EMSY: variants seen among roughly 807,000 people sequenced by gnomAD.
EMSY encodes BRCA2-interacting transcriptional repressor EMSY.
A neutral mutation model predicts 134.6 loss-of-function variants in EMSY; 26 were observed. That is an observed-to-expected ratio of 0.19 (90% confidence interval 0.14 to 0.27). The LOEUF is 0.27. Among genes scored for constraint, EMSY ranks in the 10% least tolerant of loss-of-function variants. The pLI is 1.00. For missense variants in EMSY, 1,305 were observed against 1,611.4 expected, an observed-to-expected ratio of 0.81 and a Z score of 3.26; for synonymous variants, 579 against 577.8, an observed-to-expected ratio of 1.00 and a Z score of -0.03.
chr11:76,470,941 A>C (rs994788630), intron 7 of EMSY, among the ~76,000 whole-genome samples: 2 of 152,108 alleles, frequency 1.3e-5, no homozygotes, highest in East Asian at 3.9e-4. Context: ...TCACTAAATC[A>C]TCTACAGTTT....
At chr11:76,446,322 T>TCA (rs71036097) in intron 1 of EMSY, among the ~76,000 whole-genome samples, 3 of 106,132 alleles carry the variant, frequency 2.8e-5, no homozygotes, top group Non-Finnish European at 5.5e-5. Context: ...TGTGTGTGTG[T>TCA]GTATATATAT....
intron 4 of EMSY, among the ~76,000 whole-genome samples, chr11:76,456,043 A>G (rs1947859848): frequency 6.6e-6 from 1 of 152,132 alleles, no homozygotes; most frequent in African/African-American, 2.4e-5. Flanking sequence ...GATTTCTCAG[A>G]AAAGGGACTG....
chr11:76,495,647 AT>A (rs1949623020), intron 8 of EMSY, among the ~76,000 whole-genome samples: 1 of 152,144 alleles, frequency 6.6e-6, no homozygotes, highest in South Asian at 2.1e-4. Context: ...TTATTTAATG[AT>A]TCAGAGTTCT....
chr11:76,505,639 C>T (rs3016373), intron 9 of EMSY, among the ~76,000 whole-genome samples: 60,520 of 150,874 alleles, frequency 0.4, 12,485 homozygotes, highest in South Asian at 0.51. Flanking sequence ...GGGTGGATCA[C>T]GAGGTCAAGA....
chr11:76,494,700 TTCC>T (rs1949569341), intron 8 of EMSY, among the ~76,000 whole-genome samples: 29 of 118,524 alleles, frequency 2.4e-4, no homozygotes, highest in African/African-American at 3.0e-4. Context: ...CCTTCCTTCC[TTCC>T]TTCCTTCCTT....
chr11:76,547,011 CTT>C (rs1294169309), intron 20 of EMSY: 1 of 443,138 alleles, frequency 2.3e-6, no homozygotes, highest in Admixed American at 2.5e-5. Context: ...AAAATCATCT[CTT>C]GTCATGCATA....
At chr11:76,486,152 C>G (rs1239568295) in intron 8 of EMSY, among the ~76,000 whole-genome samples, 1 of 151,962 alleles carries the variant, frequency 6.6e-6, no homozygotes, top group Non-Finnish European at 1.5e-5. Flanking sequence ...AACACAGGAA[C>G]AGAAAACCAA....
intron 14 of EMSY, among the ~76,000 whole-genome samples, chr11:76,532,971 A>G (rs1002338256): frequency 6.6e-6 from 1 of 152,174 alleles, no homozygotes; most frequent in Non-Finnish European, 1.5e-5. Flanking sequence ...GGAAGATACA[A>G]TATAAAATGT....
chr11:76,538,122 A>G (rs1322818221), intron 16 of EMSY, among the ~76,000 whole-genome samples, 172 bp downstream of exon 17: 1 of 152,218 alleles, frequency 6.6e-6, no homozygotes, highest in African/African-American at 2.4e-5. Flanking sequence ...TGACTAGGAA[A>G]AAAAATAGGA....
At chr11:76,550,196 C>T (rs962963043) in exon 21 of EMSY, 1 of 1,428,932 alleles carries the variant, frequency 7.0e-7, no homozygotes, top group African/African-American at 1.4e-5. Context: ...ACCAAGTGTC[C>T]AGGGAAACCC....
chr11:76,513,025 G>T (rs927011659), intron 9 of EMSY, among the ~76,000 whole-genome samples: 1 of 152,124 alleles, frequency 6.6e-6, no homozygotes, highest in African/African-American at 2.4e-5. Flanking sequence ...TTTTGTTTCT[G>T]ACCTCTTATG....
exon 6 of EMSY, chr11:76,460,022 A>G: frequency 6.2e-7 from 1 of 1,614,194 alleles, no homozygotes; most frequent in Non-Finnish European, 8.5e-7. Context: ...TAAGTCTCCA[A>G]GACCTGCCAG....
chr11:76,451,735 G>T, intron 2 of EMSY, 123 bp from the exon 3 acceptor site: 2 of 478,936 alleles, frequency 4.2e-6, no homozygotes, highest in South Asian at 7.1e-5. Flanking sequence ...ATTTTTGAAA[G>T]GAATTTAAAA....
chr11:76,535,814 GA>G, intron 14 of EMSY, 80 bp from the exon 16 acceptor site: 2 of 1,123,684 alleles, frequency 1.8e-6, no homozygotes, highest in Non-Finnish European at 2.3e-6. Flanking sequence ...TAAGCAAACA[GA>G]CAAAAAAATT....
At chr11:76,499,610 A>G (rs1338363523) in intron 9 of EMSY, among the ~76,000 whole-genome samples, 1 of 152,136 alleles carries the variant, frequency 6.6e-6, no homozygotes, top group African/African-American at 2.4e-5. Context: ...TTTAAATGAT[A>G]TATTTAGATC....
Position 76,523,408 on chromosome 11 carries a change from C to T in EMSY, c.1821+117C>T, listed in dbSNP as rs555509246. On this transcript the variant is annotated intron_variant, in intron 12 of 20. Transcript: ENST00000334736. ...CAATAGCCAGAATGGCTTGGTTTACCACTGCTGGGATATAACAACTGTTAA... is the reference window on the plus strand; with the variant it reads ...CAATAGCCAGAATGGCTTGGTTTACTACTGCTGGGATATAACAACTGTTAA... 30 of 1,170,110 alleles carry T rather than the reference C, an allele frequency of 2.6e-5. No homozygotes were observed. The East Asian group carries it at 7.9e-4, about 31-fold the overall frequency. 72.5% of individuals were successfully genotyped at this position (1,170,110 alleles called of 1,614,324 possible).
At chr11:76,479,457 C>T (rs930290157) in intron 8 of EMSY, among the ~76,000 whole-genome samples, 2 of 152,208 alleles carry the variant, frequency 1.3e-5, no homozygotes, top group Admixed American at 6.5e-5. Context: ...AGGCTGGATG[C>T]GCCAATAACA....
chr11:76,486,485 C>T (rs191465585), intron 8 of EMSY, among the ~76,000 whole-genome samples: 13 of 152,240 alleles, frequency 8.5e-5, no homozygotes, highest in Admixed American at 2.6e-4. Flanking sequence ...TTTAACATGA[C>T]GGATGCCGTA....
At chr11:76,510,707 T>C (rs1458600478) in intron 9 of EMSY, among the ~76,000 whole-genome samples, 2 of 152,204 alleles carry the variant, frequency 1.3e-5, no homozygotes. Flanking sequence ...CATACTGCTC[T>C]TGCCCAGAAC....
Sources: gnomAD v4.1 joint callset for allele counts (sites outside exome capture counted in the v4.1 genomes callset) on GRCh38, gnomAD v4.1.1 for gene constraint, MANE v1.5 for transcripts, NCBI Gene and HGNC (gene_info 2026-07-23, HGNC 2026-07-21) for gene names.